MEI1: variants seen among roughly 807,000 people sequenced by gnomAD.
MEI1 encodes the protein meiosis inhibitor protein 1.
MEI1 carries 103 observed loss-of-function variants against 146.2 expected under a neutral mutation model. That is an observed-to-expected ratio of 0.70 (90% CI 0.60 to 0.83). MEI1 has a LOEUF of 0.83. Ranked by LOEUF, MEI1 falls within the 40% of genes least tolerant of loss-of-function variation. MEI1 has a pLI of 0.00. For missense variants in MEI1, 1,529 were observed against 1,533.0 expected (o/e 1.00, Z 0.04); for synonymous variants, 652 against 628.2 (o/e 1.04, Z -0.57).
In MEI1 at chr22:41,784,413, A is replaced by T. The variant is rs1397462414; in HGVS notation, c.3162A>T (p.Leu1054=). 1 of 1,613,432 alleles carries T rather than the reference A, an allele frequency of 6.2e-7. No individual in the cohort carries two copies. The highest frequency in any genetic ancestry group is 8.5e-7 in the Non-Finnish European group (1 of 1,179,784). ...ALSFPKKKAA[L]LSAAILCFLR... is the part of the protein sequence containing the mutation. ...GCTTTCCAAAGAAAAAGGCTGCACT[A>T]CTCTCAGGTATGGGTCCACAAGTCT... Residue 1054 remains leucine, a synonymous_variant, in exon 25 of 31, where the codon CTA becomes CTT. Coordinates refer to ENST00000401548, the MANE Select transcript of MEI1 (RefSeq NM_152513.4).
intron 7 of MEI1, among the ~76,000 whole-genome samples, chr22:41,727,763 G>A (rs1304683379): frequency 3.3e-5 from 5 of 152,152 alleles, no homozygotes; most frequent in Non-Finnish European, 2.9e-5. Context: ...ACCAACACAA[G>A]CTTCCAGAGT....
chr22:41,712,658 T>G (rs911633576), intron 3 of MEI1, among the ~76,000 whole-genome samples: 29 of 123,728 alleles, frequency 2.3e-4, no homozygotes, highest in Non-Finnish European at 6.4e-5. Flanking sequence ...TTAAGTATAT[T>G]TAAATAGAAA....
chr22:41,767,848 G>C (rs760212622), intron 19 of MEI1, among the ~76,000 whole-genome samples: 1 of 152,160 alleles, frequency 6.6e-6, no homozygotes, highest in South Asian at 2.1e-4. Context: ...CTGGGGGACT[G>C]GTCAAGAACC....
At chr22:41,730,378 A>G (rs2071748939) in intron 8 of MEI1, 143 bp from the exon 9 acceptor site, 1 of 593,844 alleles carries the variant, frequency 1.7e-6, no homozygotes, top group African/African-American at 1.9e-5. Context: ...TAGTGGATTG[A>G]TGATCATGAC....
chr22:41,748,336 G>T lies in MEI1; in HGVS notation c.1792+118G>T. On this transcript the variant is annotated intron_variant, in intron 15 of 30. Transcript: ENST00000401548. ...ACATTTACTAATTCATTCAGAATCT[G>T]TATCTATTCTTTGTCCAGTGATGAG... 4.2e-6 allele frequency: 3 copies of T among 714,344 alleles called. No individual in the cohort carries two copies. In the Admixed American group the frequency reaches 6.4e-5, roughly 15 times the overall value. 44.3% of individuals were successfully genotyped at this position (714,344 alleles called of 1,614,324 possible).
At chr22:41,775,491 A>G (rs951886156) in intron 20 of MEI1, among the ~76,000 whole-genome samples, 2 of 152,102 alleles carry the variant, frequency 1.3e-5, no homozygotes, top group African/African-American at 4.8e-5. Context: ...CTTGCATTCA[A>G]ATTCTGTCTG....
In MEI1 at chr22:41,748,052, T is replaced by C; in HGVS notation, c.1681-55T>C. The C allele has an allele frequency of 2.4e-6, 3 of 1,257,552 alleles. No individual in the cohort carries two copies. In the Admixed American group the frequency reaches 5.4e-5, roughly 23 times the overall value. 77.9% of individuals were successfully genotyped at this position (1,257,552 alleles called of 1,614,324 possible). A position where few individuals can be genotyped will look rare whatever the true frequency, so the allele number is the denominator to read the frequency against. On this transcript the variant is annotated intron_variant, in intron 14 of 30. Coordinates refer to ENST00000401548, the MANE Select transcript of MEI1 (RefSeq NM_152513.4). Reference sequence around the variant, plus strand: ...TTGATGTGAGTTTTCTCTGATGCCTTTTCTTCAGAGGCTCAGTCCCCGTGG... The same window carrying C: ...TTGATGTGAGTTTTCTCTGATGCCTCTTCTTCAGAGGCTCAGTCCCCGTGG...
At chr22:41,784,272 A>G (rs974987714) in intron 24 of MEI1, 67 bp from the exon 25 acceptor site, 1 of 1,408,264 alleles carries the variant, frequency 7.1e-7, no homozygotes, top group Non-Finnish European at 1.0e-6. Context: ...AGAGATTTTC[A>G]GGCAGGTTAT....
intron 11 of MEI1, among the ~76,000 whole-genome samples, chr22:41,737,039 C>G (rs1569214987): frequency 6.6e-6 from 1 of 152,162 alleles, no homozygotes. Flanking sequence ...TTGTTCATTC[C>G]TCTGATCTGC....
At chr22:41,712,245 G>GT (rs1413445773) in intron 3 of MEI1, among the ~76,000 whole-genome samples, 1 of 114,608 alleles carries the variant, frequency 8.7e-6, no homozygotes, top group Non-Finnish European at 1.7e-5. Context: ...TTGTTTGTTT[G>GT]TTTCTTTGAT....
At chr22:41,769,609 A>T (rs545850167) in intron 19 of MEI1, among the ~76,000 whole-genome samples, 10 of 151,702 alleles carry the variant, frequency 6.6e-5, no homozygotes, top group Non-Finnish European at 1.3e-4. Context: ...AGTAGCTGGG[A>T]TTACAGGCAT....
intron 2 of MEI1, among the ~76,000 whole-genome samples, chr22:41,704,215 T>C (rs892669884): frequency 6.6e-6 from 1 of 152,194 alleles, no homozygotes; most frequent in Admixed American, 6.5e-5. Flanking sequence ...GGCAGCTAAC[T>C]TGTATTTACT....
At chr22:41,750,925 AGGATCTAGTCTTG>A (rs1195979193) in intron 15 of MEI1, among the ~76,000 whole-genome samples, 8 of 152,086 alleles carry the variant, frequency 5.3e-5, no homozygotes, top group Non-Finnish European at 1.2e-4. Flanking sequence ...CGGACCCAAG[AGGATCTAGTCTTG>A]GGGCGCTGGA....
chr22:41,728,068 C>T (rs1400914839), intron 7 of MEI1, among the ~76,000 whole-genome samples: 1 of 152,210 alleles, frequency 6.6e-6, no homozygotes, highest in Non-Finnish European at 1.5e-5. Context: ...CTACAGTCAG[C>T]CCTGGCAAAC....
chr22:41,769,944 G>C (rs368605528), intron 19 of MEI1, among the ~76,000 whole-genome samples: 29 of 151,060 alleles, frequency 1.9e-4, no homozygotes, highest in African/African-American at 7.1e-4. Flanking sequence ...AAACCAGCCT[G>C]ACCAACATGG....
intron 3 of MEI1, chr22:41,709,172 A>G (rs944514647): frequency 2.6e-6 from 2 of 755,900 alleles, no homozygotes; most frequent in African/African-American, 3.4e-5. Flanking sequence ...TAGTATTTCA[A>G]ACTGTACAGT....
chr22:41,796,078 T>C (rs1298368548), intron 30 of MEI1, among the ~76,000 whole-genome samples: 1 of 152,218 alleles, frequency 6.6e-6, no homozygotes, highest in African/African-American at 2.4e-5. Context: ...ACTAGTCTTC[T>C]AAAGTAAGCA....
chr22:41,746,706 G>A (rs1400483789), intron 14 of MEI1, among the ~76,000 whole-genome samples: 1 of 152,150 alleles, frequency 6.6e-6, no homozygotes, highest in Non-Finnish European at 1.5e-5. Context: ...AGGAGTCCCT[G>A]TTAGTCGGGA....
intron 3 of MEI1, among the ~76,000 whole-genome samples, chr22:41,710,112 G>A (rs1042429775): frequency 6.6e-6 from 1 of 151,996 alleles, no homozygotes; most frequent in Non-Finnish European, 1.5e-5. Flanking sequence ...AATCTGACTA[G>A]TATCCTTATA....
Sources: allele counts gnomAD v4.1 joint callset (sites outside exome capture counted in the v4.1 genomes callset), GRCh38; gene constraint gnomAD v4.1.1; transcripts MANE v1.5; gene names NCBI Gene and HGNC (gene_info 2026-07-23, HGNC 2026-07-21).